SLC25A26: variants seen among roughly 807,000 people sequenced by gnomAD.
SLC25A26 encodes mitochondrial S-adenosylmethionine carrier protein.
In SLC25A26, 36 loss-of-function variants were observed where a neutral mutation model predicts 37.8. The observed-to-expected ratio is 0.95, with a 90% CI of 0.73 to 1.26. The LOEUF is 1.26. Among genes scored for constraint, SLC25A26 ranks in the 50% most tolerant of loss-of-function variants. The pLI, the probability that SLC25A26 is intolerant of heterozygous loss-of-function variation, is 0.00. For synonymous variants in SLC25A26, 129 were observed against 122.5 expected (o/e 1.05, Z -0.35); for missense variants, 390 against 331.1 (o/e 1.18, Z -1.38).
At chr3:66,295,107 C>G (rs1044097044) in intron 5 of SLC25A26, among the ~76,000 whole-genome samples, 1 of 152,122 alleles carries the variant, frequency 6.6e-6, no homozygotes, top group African/African-American at 2.4e-5. Flanking sequence ...AGTTTACAAC[C>G]TATTTTGTAA....
intron 5 of SLC25A26, among the ~76,000 whole-genome samples, chr3:66,333,551 C>T (rs148977954): frequency 1.6e-3 from 249 of 152,308 alleles, no homozygotes; most frequent in African/African-American, 5.6e-3. Context: ...TCTCCAAGCA[C>T]CTCTGTTTGA....
At chr3:66,252,578 T>G (rs1163710182) in intron 3 of SLC25A26, among the ~76,000 whole-genome samples, 3 of 152,204 alleles carry the variant, frequency 2.0e-5, no homozygotes, top group Non-Finnish European at 4.4e-5. Context: ...CCAGTCACAG[T>G]TCTTACAAGG....
intron 2 of SLC25A26, among the ~76,000 whole-genome samples, chr3:66,239,824 T>C (rs186569458): frequency 0.046 from 6,215 of 134,098 alleles, 180 homozygotes; most frequent in Middle Eastern, 0.087. Context: ...TTCTTTTTTT[T>C]TTTTTTTTTT....
At chr3:66,148,875 T>C (rs937089271) in intron 1 of SLC25A26, among the ~76,000 whole-genome samples, 1 of 152,192 alleles carries the variant, frequency 6.6e-6, no homozygotes, top group Non-Finnish European at 1.5e-5. Context: ...ACTTTACGTG[T>C]CTACCAGAGA....
upstream of SLC25A26, among the ~76,000 whole-genome samples, chr3:66,217,503 C>T (rs937602055): frequency 1.3e-4 from 20 of 151,730 alleles, no homozygotes; most frequent in Middle Eastern, 3.5e-3. Context: ...CATCATCCTG[C>T]GAGATAGTAA....
intron 6 of SLC25A26, among the ~76,000 whole-genome samples, chr3:66,351,379 A>G (rs1480268491): frequency 6.6e-6 from 1 of 152,176 alleles, no homozygotes; most frequent in African/African-American, 2.4e-5. Flanking sequence ...ATCATATCCA[A>G]AGTCTTAGAG....
intron 3 of SLC25A26, among the ~76,000 whole-genome samples, chr3:66,251,766 G>A (rs1009511002): frequency 9.2e-5 from 14 of 152,146 alleles, no homozygotes; most frequent in African/African-American, 2.7e-4. Context: ...CCAGTTTCTC[G>A]ATGAGTTCCT....
upstream of SLC25A26, among the ~76,000 whole-genome samples, chr3:66,217,651 C>T (rs1298818835): frequency 6.6e-6 from 1 of 151,882 alleles, no homozygotes; most frequent in African/African-American, 2.4e-5. Context: ...CGGGTTCAAG[C>T]GATTCTCCTG....
At chr3:66,333,839 A>AAAC (rs1553697984) in intron 5 of SLC25A26, among the ~76,000 whole-genome samples, 3 of 151,424 alleles carry the variant, frequency 2.0e-5, no homozygotes, top group East Asian at 2.0e-4. Context: ...AGAAAAACAA[A>AAAC]AAACAAACAA....
At chr3:66,337,991 A>C (rs545174444) in intron 5 of SLC25A26, among the ~76,000 whole-genome samples, 1 of 152,098 alleles carries the variant, frequency 6.6e-6, no homozygotes, top group Non-Finnish European at 1.5e-5. Context: ...CCATATCCTT[A>C]TGATATTGAA....
chr3:66,369,584 A>G (rs748867059), intron 8 of SLC25A26, 42 bp downstream of exon 8: 7 of 1,489,778 alleles, frequency 4.7e-6, no homozygotes, highest in Non-Finnish European at 5.5e-6. Context: ...TCAGATGCTC[A>G]TATCTGTTAG....
chr3:66,137,897 A>G (rs1398411791), intron 1 of SLC25A26, among the ~76,000 whole-genome samples: 1 of 151,952 alleles, frequency 6.6e-6, no homozygotes, highest in African/African-American at 2.4e-5. Flanking sequence ...GCAGTAGCCC[A>G]ATCTTGGCTC....
chr3:66,230,958 T>A (rs1016811415), intron 1 of SLC25A26, among the ~76,000 whole-genome samples: 1 of 152,140 alleles, frequency 6.6e-6, no homozygotes, highest in Non-Finnish European at 1.5e-5. Context: ...GTGGATCACC[T>A]GAGGTCAGGA....
intron 1 of SLC25A26, among the ~76,000 whole-genome samples, chr3:66,196,160 A>T (rs1055116454): frequency 4.0e-5 from 6 of 151,828 alleles, no homozygotes; most frequent in African/African-American, 7.3e-5. Context: ...TTTTTTCTCT[A>T]GACATAAGGA....
At chr3:66,325,448 C>T (rs2075813619) in intron 5 of SLC25A26, among the ~76,000 whole-genome samples, 1 of 152,164 alleles carries the variant, frequency 6.6e-6, no homozygotes, top group African/African-American at 2.4e-5. Context: ...TGCCTCTTGC[C>T]TAGTTCACAG....
chr3:66,337,374 A>G (rs934137854), intron 5 of SLC25A26, among the ~76,000 whole-genome samples: 5 of 152,142 alleles, frequency 3.3e-5, no homozygotes, highest in African/African-American at 1.2e-4. Context: ...TGTCCTACAC[A>G]TTAGAAATGA....
intron 1 of SLC25A26, among the ~76,000 whole-genome samples, chr3:66,224,593 A>T (rs141925709): frequency 0.063 from 9,595 of 152,232 alleles, 358 homozygotes; most frequent in African/African-American, 0.11. Context: ...GCCAAACCAT[A>T]TCATTCCACC....
At chr3:66,173,467 G>A (rs1374027888) in intron 1 of SLC25A26, among the ~76,000 whole-genome samples, 1 of 152,160 alleles carries the variant, frequency 6.6e-6, no homozygotes, top group South Asian at 2.1e-4. Flanking sequence ...TGCCATCCAG[G>A]TTCATAAGCC....
At chr3:66,295,063 T>TG (rs2074851865) in intron 5 of SLC25A26, among the ~76,000 whole-genome samples, 1 of 152,224 alleles carries the variant, frequency 6.6e-6, no homozygotes, top group Non-Finnish European at 1.5e-5. Context: ...TAAAAAAAGT[T>TG]GATTTATCTC....
Sources: allele counts gnomAD v4.1 joint callset (sites outside exome capture counted in the v4.1 genomes callset), GRCh38; gene constraint gnomAD v4.1.1; transcripts MANE v1.5; gene names NCBI Gene and HGNC (gene_info 2026-07-23, HGNC 2026-07-21).